MAGI2: variants seen among roughly 807,000 people sequenced by gnomAD.
The protein encoded by MAGI2 is membrane associated guanylate kinase, WW and PDZ domain containing 2.
In MAGI2, 35 loss-of-function variants were observed where a neutral mutation model predicts 133.3. The observed-to-expected ratio is 0.26, with a 90% CI of 0.20 to 0.35. The LOEUF (loss-of-function observed/expected upper bound fraction) is 0.35. MAGI2 is among the 10% of genes least tolerant of loss of function. The pLI, the probability that MAGI2 is intolerant of heterozygous loss-of-function variation, is 1.00. For synonymous variants in MAGI2, 729 were observed against 710.6 expected, an observed-to-expected ratio of 1.03 and a Z score of -0.41; for missense variants, 1,636 against 1,863.4, an observed-to-expected ratio of 0.88 and a Z score of 2.25.
At chr7:79,065,466 C>T (rs1475843120) in intron 1 of MAGI2, among the ~76,000 whole-genome samples, 1 of 152,064 alleles carries the variant, frequency 6.6e-6, no homozygotes. Context: ...TGGTTCCAAA[C>T]AGACATCAAG....
chr7:79,333,521 A>G (rs1041215887), intron 1 of MAGI2, among the ~76,000 whole-genome samples: 2 of 152,156 alleles, frequency 1.3e-5, no homozygotes, highest in African/African-American at 4.8e-5. Context: ...TCCATTTTAC[A>G]GTATTTGGAT....
At chr7:79,141,182 C>T (rs989073798) in intron 1 of MAGI2, among the ~76,000 whole-genome samples, 8 of 152,130 alleles carry the variant, frequency 5.3e-5, no homozygotes, top group Admixed American at 5.2e-4. Flanking sequence ...TTTCAAAAAC[C>T]TGGATTGTTT....
intron 2 of MAGI2, among the ~76,000 whole-genome samples, chr7:78,913,760 T>C (rs1798587618): frequency 6.6e-6 from 1 of 152,234 alleles, no homozygotes; most frequent in African/African-American, 2.4e-5. Flanking sequence ...GTTGTGTTTC[T>C]GTCTGTACTA....
chr7:78,668,685 T>C (rs1813942890), intron 2 of MAGI2, among the ~76,000 whole-genome samples: 1 of 152,024 alleles, frequency 6.6e-6, no homozygotes, highest in African/African-American at 2.4e-5. Context: ...CTCAGGTTTG[T>C]CAAAATGTAA....
At chr7:78,355,471 T>A (rs1271724305) in intron 7 of MAGI2, among the ~76,000 whole-genome samples, 2 of 152,246 alleles carry the variant, frequency 1.3e-5, no homozygotes, top group Non-Finnish European at 2.9e-5. Flanking sequence ...GGATGGGAAC[T>A]AATATTCACC....
chr7:78,740,060 C>A (rs1400662106), intron 2 of MAGI2, among the ~76,000 whole-genome samples: 1 of 151,906 alleles, frequency 6.6e-6, no homozygotes. Context: ...ACTCGGGAGG[C>A]TGAGGCAGGA....
At chr7:78,070,644 ATT>A (rs376515864) in intron 21 of MAGI2, among the ~76,000 whole-genome samples, 8 of 134,604 alleles carry the variant, frequency 5.9e-5, no homozygotes, top group African/African-American at 1.2e-4. Context: ...ATATATATAT[ATT>A]TTTTTTTTTT....
chr7:79,130,776 C>T (rs575244510), intron 1 of MAGI2, among the ~76,000 whole-genome samples: 4 of 152,154 alleles, frequency 2.6e-5, no homozygotes, highest in South Asian at 2.1e-4. Context: ...TAAGTGCTTT[C>T]GATGATATTT....
chr7:79,256,733 C>T (rs982551971), intron 1 of MAGI2, among the ~76,000 whole-genome samples: 8 of 152,072 alleles, frequency 5.3e-5, no homozygotes, highest in African/African-American at 1.9e-4. Context: ...TCAAGCGATC[C>T]TGCCACCTTG....
intron 6 of MAGI2, among the ~76,000 whole-genome samples, chr7:78,419,999 G>A (rs1798651768): frequency 1.3e-5 from 2 of 152,280 alleles, no homozygotes; most frequent in East Asian, 1.9e-4. Context: ...AATGCCAGAG[G>A]ACATTGGGGT....
intron 9 of MAGI2, among the ~76,000 whole-genome samples, chr7:78,285,467 C>G (rs113299819): frequency 3.3e-4 from 50 of 152,132 alleles, no homozygotes; most frequent in African/African-American, 1.1e-3. Flanking sequence ...TTATTTTATC[C>G]TTGTTATGTG....
intron 21 of MAGI2, among the ~76,000 whole-genome samples, chr7:78,046,699 A>G (rs1811470092): frequency 6.6e-6 from 1 of 152,210 alleles, no homozygotes. Context: ...TAGCTCTAAA[A>G]AAAAACCCAG....
chr7:78,894,977 C>T (rs1053885180), intron 2 of MAGI2, among the ~76,000 whole-genome samples: 1 of 152,106 alleles, frequency 6.6e-6, no homozygotes, highest in Non-Finnish European at 1.5e-5. Context: ...CCTTCTGTAA[C>T]TGACACTGAA....
chr7:78,645,298 T>C, intron 2 of MAGI2, among the ~76,000 whole-genome samples: 1 of 152,150 alleles, frequency 6.6e-6, no homozygotes, highest in Middle Eastern at 3.2e-3. Context: ...AAACATCTAA[T>C]TCCTTCTATA....
chr7:78,455,131 T>C (rs1286460692), intron 6 of MAGI2, among the ~76,000 whole-genome samples: 1 of 152,048 alleles, frequency 6.6e-6, no homozygotes, highest in Non-Finnish European at 1.5e-5. Context: ...TAATGCAAGA[T>C]ATTAATAAAG....
chr7:78,329,054 A>G (rs1169205361), intron 9 of MAGI2, among the ~76,000 whole-genome samples: 1 of 152,116 alleles, frequency 6.6e-6, no homozygotes, highest in African/African-American at 2.4e-5. Context: ...AAAAAGCAAA[A>G]TTTACCTTAC....
intron 10 of MAGI2, among the ~76,000 whole-genome samples, chr7:78,245,227 G>A (rs991198572): frequency 2.6e-5 from 4 of 152,110 alleles, no homozygotes; most frequent in African/African-American, 9.7e-5. Flanking sequence ...AAAACTCCAG[G>A]GGGATAGGAG....
At chr7:78,506,859 A>G (rs546977463) in intron 4 of MAGI2, among the ~76,000 whole-genome samples, 11 of 152,340 alleles carry the variant, frequency 7.2e-5, no homozygotes, top group Admixed American at 5.2e-4. Flanking sequence ...GGCTTTGGAC[A>G]AATGAACTTT....
At chr7:78,299,027 G>A (rs1035069529) in intron 9 of MAGI2, among the ~76,000 whole-genome samples, 28 of 137,630 alleles carry the variant, frequency 2.0e-4, no homozygotes, top group African/African-American at 6.1e-4. Flanking sequence ...GTGTTGGTCA[G>A]GCTGGTCTTG....
Sources: gnomAD v4.1 joint callset for allele counts (sites outside exome capture counted in the v4.1 genomes callset) on GRCh38, gnomAD v4.1.1 for gene constraint, MANE v1.5 for transcripts, NCBI Gene and HGNC (gene_info 2026-07-23, HGNC 2026-07-21) for gene names.